Variants in ABCG8 observed in about 807,000 individuals in gnomAD.
ABCG8 encodes the protein ATP binding cassette subfamily G member 8, also known as ATP-binding cassette sub-family G member 8.
ABCG8 carries 81 observed loss-of-function variants against 71.3 expected under a neutral mutation model. The observed-to-expected ratio is 1.14, with a 90% CI of 0.95 to 1.37. The LOEUF (loss-of-function observed/expected upper bound fraction) is 1.37. Ranked by LOEUF, ABCG8 falls within the 40% of genes most tolerant of loss-of-function variation. The probability of loss-of-function intolerance (pLI) is 0.00; values close to 1 mark genes in which losing one functional copy is unlikely to be tolerated. For missense variants in ABCG8, 1,119 were observed against 866.2 expected (o/e 1.29, Z -3.66); for synonymous variants, 451 against 354.7 (o/e 1.27, Z -3.05).
intron 6 of ABCG8, among the ~76,000 whole-genome samples, chr2:43,857,028 T>A (rs1464695883): frequency 6.6e-6 from 1 of 151,724 alleles, no homozygotes; most frequent in Non-Finnish European, 1.5e-5. Context: ...GAAGTCTCAC[T>A]CTCTGGATAT....
chr2:43,854,969 G>A (rs1669051304), intron 6 of ABCG8, among the ~76,000 whole-genome samples: 1 of 152,204 alleles, frequency 6.6e-6, no homozygotes, highest in Non-Finnish European at 1.5e-5. Context: ...CCCTCCTGGG[G>A]CAGAGCAGCC....
chr2:43,864,057 ACTAT>A (rs1393120080), intron 6 of ABCG8, among the ~76,000 whole-genome samples: 4 of 151,232 alleles, frequency 2.6e-5, no homozygotes, highest in African/African-American at 7.3e-5. Flanking sequence ...TAGAATTCTC[ACTAT>A]CTGTCTGGAT....
chr2:43,875,189 A>G lies in ABCG8; in HGVS notation c.1532A>G (p.Tyr511Cys). 6.2e-7 allele frequency: 1 copy of G among 1,614,174 alleles called. No homozygotes were observed. Residue 511 changes from tyrosine to cysteine, a missense_variant, in exon 11 of 13, where the codon TAC becomes TGC. By Grantham distance (194) the Tyr-to-Cys change is radical. Transcript: ENST00000272286. Reference protein sequence around the residue: ...LPEHCAYIIIYGMPTYWLANL... With the variant: ...LPEHCAYIIICGMPTYWLANL... ...GAGCACTGTGCCTACATCATCATCT[A>G]CGGGATGCCCACCTACTGGCTGGCC...
Position 43,879,368 on chromosome 2 carries a change from C to T in ABCG8, c.*1455C>T, listed in dbSNP as rs553059970. On this transcript the variant is annotated 3_prime_UTR_variant, in exon 13 of 13. Coordinates refer to ENST00000272286, the MANE Select transcript of ABCG8 (RefSeq NM_022437.3). ...ATAGGTTCACTAGAGTCTTGCTACT[C>T]CAAGTACGATCCCTGGGCCAGCAGA... 1 of 152,288 alleles carries T rather than the reference C, an allele frequency of 6.6e-6. No individual in the cohort carries two copies. Among genetic ancestry groups the T allele is most frequent in the South Asian group, 2.1e-4 (1 of 4,828 alleles). The allele number at this position is 152,288 out of a possible 1,614,324, so 9.4% of individuals were successfully genotyped here. A position where few individuals can be genotyped will look rare whatever the true frequency, so the allele number is the denominator to read the frequency against.
At chr2:43,865,478 G>A (rs1245548638) in intron 6 of ABCG8, among the ~76,000 whole-genome samples, 5 of 151,780 alleles carry the variant, frequency 3.3e-5, no homozygotes, top group Non-Finnish European at 5.9e-5. Context: ...TCTCTGCATA[G>A]CACTCTCACT....
At chr2:43,844,646 C>T in intron 2 of ABCG8, 38 bp downstream of exon 2, 1 of 1,505,010 alleles carries the variant, frequency 6.6e-7, no homozygotes, top group Non-Finnish European at 9.2e-7. Context: ...GAGGAGCAGG[C>T]AGGGACAGCC....
chr2:43,845,749 G>A (rs1313046183), intron 2 of ABCG8, among the ~76,000 whole-genome samples: 1 of 151,940 alleles, frequency 6.6e-6, no homozygotes, highest in Non-Finnish European at 1.5e-5. Flanking sequence ...AGCCTCCCAA[G>A]TAGCTGGGAT....
rs184798321 is a variant in ABCG8 at position 43,869,991 on chromosome 2, C to G, written c.965-1985C>G. Among the ~76,000 whole-genome samples, 606 of 152,204 alleles carry G rather than the reference C, an allele frequency of 4.0e-3. 3 individuals are homozygous for G. The highest frequency in any genetic ancestry group is 0.014 in the African/African-American group (571 of 41,530). On this transcript the variant is annotated intron_variant, in intron 6 of 12. Transcript: ENST00000272286. ...ACTCTGTGGATAGAACTGTGACAATCTATCTGGATAGAATTCTCACCCTCT... is the reference window on the plus strand; with the variant it reads ...ACTCTGTGGATAGAACTGTGACAATGTATCTGGATAGAATTCTCACCCTCT...
chr2:43,846,981 C>T (rs915658931), intron 3 of ABCG8: 27 of 95,890 alleles, frequency 2.8e-4, no homozygotes, highest in Admixed American at 1.1e-3. Flanking sequence ...TCCTCCTGCA[C>T]GCGCGCGTGC....
rs4148209 is a variant in ABCG8, at chr2:43,844,486, C to A, written c.64-21C>A. On this transcript the variant is annotated intron_variant, in intron 1 of 12. Coordinates refer to ENST00000272286, the MANE Select transcript of ABCG8 (RefSeq NM_022437.3). ...CTCAGCAGCTTCTAAAGGAGCCCCT[C>A]ATCTCTCCTGTCTCCCACAGGGCCT... 0.4 allele frequency: 643,255 copies of A among 1,592,152 alleles called. 137,609 individuals are homozygous for A. The highest frequency in any genetic ancestry group is 0.85 in the East Asian group (38,131 of 44,798).
At chr2:43,842,709 C>T (rs1427550790) in intron 1 of ABCG8, among the ~76,000 whole-genome samples, 3 of 152,162 alleles carry the variant, frequency 2.0e-5, no homozygotes, top group East Asian at 1.9e-4. Context: ...TACTGTGTCC[C>T]CTTTCTCCTT....
At chr2:43,860,040 G>C (rs544247130) in intron 6 of ABCG8, among the ~76,000 whole-genome samples, 87 of 151,060 alleles carry the variant, frequency 5.8e-4, no homozygotes, top group Admixed American at 7.3e-4. Flanking sequence ...TCATCCTCTG[G>C]ATAGAACTCT....
At chr2:43,863,106 T>C (rs1172424765) in intron 6 of ABCG8, among the ~76,000 whole-genome samples, 8 of 150,810 alleles carry the variant, frequency 5.3e-5, no homozygotes, top group Non-Finnish European at 1.2e-4. Flanking sequence ...ACTCTCACTA[T>C]CTATCTGGAT....
At chr2:43,844,734 C>T in intron 2 of ABCG8, 126 bp downstream of exon 2, 1 of 714,240 alleles carries the variant, frequency 1.4e-6, no homozygotes, top group Non-Finnish European at 2.5e-6. Context: ...GTCCAGTCCA[C>T]ATTGATGCCT....
chr2:43,855,855 A>T (rs561867454), intron 6 of ABCG8, among the ~76,000 whole-genome samples: 14 of 152,062 alleles, frequency 9.2e-5, no homozygotes, highest in African/African-American at 3.4e-4. Context: ...TCTGGATAGA[A>T]TTCTCACTCA....
chr2:43,856,518 C>CTCTCACTTTCTGGATAGAAA (rs1270420255), intron 6 of ABCG8, among the ~76,000 whole-genome samples: 43 of 151,346 alleles, frequency 2.8e-4, no homozygotes, highest in Admixed American at 2.6e-3. Flanking sequence ...GGGAAGAGAA[C>CTCTCACTTTCTGGATAGAAA]TCTCACTTTC....
At chr2:43,844,712 C>CTTG in intron 2 of ABCG8, 104 bp downstream of exon 2, 1 of 857,438 alleles carries the variant, frequency 1.2e-6, no homozygotes, top group Non-Finnish European at 1.9e-6. Context: ...GCCCTCTGCC[C>CTTG]GCAAGGACAG....
chr2:43,860,515 C>T (rs999025822), intron 6 of ABCG8, among the ~76,000 whole-genome samples: 15 of 151,412 alleles, frequency 9.9e-5, no homozygotes, highest in African/African-American at 3.4e-4. Flanking sequence ...AGAACTCTCA[C>T]TATCTATCTG....
intron 3 of ABCG8, chr2:43,846,548 G>A (rs1331568837): frequency 5.5e-6 from 3 of 545,472 alleles, no homozygotes; most frequent in East Asian, 3.5e-5. Context: ...TTGTCCACCC[G>A]AGGCTGTGGC....
Sources: allele counts gnomAD v4.1 joint callset (sites outside exome capture counted in the v4.1 genomes callset), GRCh38; gene constraint gnomAD v4.1.1; transcripts MANE v1.5; gene names NCBI Gene and HGNC (gene_info 2026-07-23, HGNC 2026-07-21).